Variants in GALNT17 observed in about 807,000 individuals in gnomAD.
GALNT17 encodes UDP-GalNAc:polypeptide N-acetylgalactosaminyltransferase-like 3.
GALNT17 carries 29 observed loss-of-function variants against 63.7 expected under a neutral mutation model. That is an observed-to-expected ratio of 0.46 (90% CI 0.34 to 0.62). GALNT17 has a LOEUF of 0.62. Ranked by LOEUF, GALNT17 falls within the 20% of genes least tolerant of loss-of-function variation. The pLI, the probability that GALNT17 is intolerant of heterozygous loss-of-function variation, is 0.01. For missense variants in GALNT17, 603 were observed against 799.6 expected (o/e 0.75, Z 2.97); for synonymous variants, 305 against 318.3 (o/e 0.96, Z 0.45).
chr7:71,654,017 T>A (rs1367359166), intron 6 of GALNT17, among the ~76,000 whole-genome samples: 2 of 152,076 alleles, frequency 1.3e-5, no homozygotes, highest in African/African-American at 4.8e-5. Flanking sequence ...TATCTTATTT[T>A]TTTTATTTTT....
chr7:71,656,634 C>T (rs979307516), intron 6 of GALNT17, among the ~76,000 whole-genome samples: 4 of 151,690 alleles, frequency 2.6e-5, no homozygotes, highest in Admixed American at 1.3e-4. Flanking sequence ...GGGAGATGGT[C>T]GTAGCTTGCA....
intron 3 of GALNT17, among the ~76,000 whole-genome samples, chr7:71,403,874 C>G (rs928114399): frequency 1.3e-5 from 2 of 152,116 alleles, no homozygotes; most frequent in African/African-American, 4.8e-5. Context: ...TTGGCTATTT[C>G]AAGGAAGAGA....
intron 2 of GALNT17, among the ~76,000 whole-genome samples, chr7:71,344,111 C>G (rs1050268726): frequency 1.2e-5 from 1 of 83,610 alleles, no homozygotes; most frequent in Admixed American, 1.2e-4. Context: ...TTTTAGAGGG[C>G]CTTAGAAAGT....
chr7:71,338,718 A>G (rs1203655703), intron 2 of GALNT17, among the ~76,000 whole-genome samples: 1 of 152,196 alleles, frequency 6.6e-6, no homozygotes, highest in Admixed American at 6.5e-5. Context: ...ATTTTCTATT[A>G]GATTTGTAGT....
intron 6 of GALNT17, among the ~76,000 whole-genome samples, chr7:71,617,726 T>C (rs1487743783): frequency 6.6e-6 from 1 of 151,932 alleles, no homozygotes; most frequent in African/African-American, 2.4e-5. Context: ...CACTGCAACC[T>C]CCACCTCCCT....
chr7:71,600,244 G>C (rs1362872831), intron 6 of GALNT17, among the ~76,000 whole-genome samples: 1 of 136,972 alleles, frequency 7.3e-6, no homozygotes, highest in Non-Finnish European at 1.5e-5. Flanking sequence ...GGCAATTAGG[G>C]AAGGAAAAAA....
chr7:71,572,220 T>TA lies in GALNT17; in HGVS notation c.1080+831dup, dbSNP rs879513819. Among the ~76,000 whole-genome samples the TA allele has an allele frequency of 8.4e-3, 1,005 of 118,966 alleles. 11 individuals are homozygous for TA. The highest frequency in any genetic ancestry group is 0.023 in the African/African-American group (744 of 32,032). 78.0% of individuals were successfully genotyped at this position (118,966 alleles called of 152,430 possible). The stretch of plus-strand genomic sequence containing the variant: ...AGGAAGACGCTGTCTCTATGAAAAA[T>TA]AAAAAAAAAAAAAGCTCATATATAT... On this transcript the variant is annotated intron_variant, in intron 6 of 10. Coordinates refer to ENST00000333538, the MANE Select transcript of GALNT17 (RefSeq NM_022479.3).
At chr7:71,264,829 G>A (rs532157373) in intron 1 of GALNT17, among the ~76,000 whole-genome samples, 2 of 152,056 alleles carry the variant, frequency 1.3e-5, no homozygotes, top group African/African-American at 4.8e-5. Context: ...GCTGGGAAGG[G>A]TGAATGGCAG....
chr7:71,386,414 GAGA>G (rs1460452244), intron 2 of GALNT17, among the ~76,000 whole-genome samples: 1 of 152,102 alleles, frequency 6.6e-6, no homozygotes, highest in Non-Finnish European at 1.5e-5. Context: ...CTCCCATAAG[GAGA>G]AGAAGGATGC....
chr7:71,290,930 A>G (rs1790968030), intron 1 of GALNT17, among the ~76,000 whole-genome samples: 1 of 152,094 alleles, frequency 6.6e-6, no homozygotes, highest in Non-Finnish European at 1.5e-5. Flanking sequence ...GACATCACTC[A>G]CCTTCTCCGA....
chr7:71,265,118 A>ATTTTTTTTT (rs60738546), intron 1 of GALNT17, among the ~76,000 whole-genome samples: 16 of 37,424 alleles, frequency 4.3e-4, no homozygotes, highest in South Asian at 1.2e-3. Context: ...ATATATATAT[A>ATTTTTTTTT]TTTTTTTTTT....
chr7:71,487,513 T>C (rs1787931046), intron 5 of GALNT17, among the ~76,000 whole-genome samples: 1 of 152,116 alleles, frequency 6.6e-6, no homozygotes, highest in Admixed American at 6.6e-5. Flanking sequence ...AGGTCATGCC[T>C]ATAATCCCTG....
intron 1 of GALNT17, among the ~76,000 whole-genome samples, chr7:71,145,533 A>G (rs1457209690): frequency 1.3e-5 from 2 of 152,142 alleles, no homozygotes; most frequent in African/African-American, 4.8e-5. Flanking sequence ...TAGATAAAAA[A>G]TAGGGTCTAC....
chr7:71,154,823 G>A lies in GALNT17; in HGVS notation c.238+21783G>A, dbSNP rs531763642. On this transcript the variant is annotated intron_variant, in intron 1 of 10. Coordinates refer to ENST00000333538, the MANE Select transcript of GALNT17 (RefSeq NM_022479.3). ...AATCTCCTGACCTCATGATCCACCC[G>A]CCTTGGCCTCCCAAAGTGCTGGGAT... 7.1e-4 allele frequency among the ~76,000 whole-genome samples: 108 copies of A among 151,908 alleles called. 2 individuals carry two copies. Among genetic ancestry groups the A allele is most frequent in the African/African-American group, 2.3e-3 (94 of 41,250 alleles).
intron 1 of GALNT17, among the ~76,000 whole-genome samples, chr7:71,261,272 A>AC (rs1790381182): frequency 6.6e-6 from 1 of 152,062 alleles, no homozygotes; most frequent in Non-Finnish European, 1.5e-5. Context: ...TTCGGAGCTT[A>AC]GAGGGATTGA....
chr7:71,422,923 G>C (rs887319645), intron 5 of GALNT17, among the ~76,000 whole-genome samples: 1 of 152,158 alleles, frequency 6.6e-6, no homozygotes, highest in Non-Finnish European at 1.5e-5. Flanking sequence ...GGAGTGGGAA[G>C]GTGGTCTTCC....
chr7:71,376,426 T>TTTTTG, intron 2 of GALNT17, among the ~76,000 whole-genome samples: 1 of 6,494 alleles, frequency 1.5e-4, no homozygotes, highest in African/African-American at 9.7e-4. Flanking sequence ...TTTGGAGTTG[T>TTTTTG]TTTTTTTTTT....
chr7:71,658,692 G>A (rs144115925), intron 6 of GALNT17, among the ~76,000 whole-genome samples: 167 of 152,098 alleles, frequency 1.1e-3, no homozygotes, highest in African/African-American at 3.8e-3. Context: ...GTTCAAGACC[G>A]GTCTGGCCAA....
chr7:71,249,879 G>A (rs1019376491), intron 1 of GALNT17, among the ~76,000 whole-genome samples: 1 of 152,200 alleles, frequency 6.6e-6, no homozygotes, highest in Non-Finnish European at 1.5e-5. Context: ...CATTTCTCAT[G>A]ATGCCAGTCA....
Sources: gnomAD v4.1 joint callset for allele counts (sites outside exome capture counted in the v4.1 genomes callset) on GRCh38, gnomAD v4.1.1 for gene constraint, MANE v1.5 for transcripts, NCBI Gene and HGNC (gene_info 2026-07-23, HGNC 2026-07-21) for gene names.